The following LRRCC1 variants were observed in gnomAD, a reference collection of about 807,000 sequenced individuals.
LRRCC1 encodes leucine rich repeat and coiled-coil centrosomal protein 1, also known as leucine-rich repeat and coiled-coil domain-containing protein 1.
In LRRCC1, 115 loss-of-function variants were observed where a neutral mutation model predicts 126.0. The observed-to-expected ratio is 0.91, with a 90% CI of 0.78 to 1.07. LRRCC1 has a LOEUF of 1.07. LRRCC1 is among the 50% of genes least tolerant of loss of function. The pLI, the probability that LRRCC1 is intolerant of heterozygous loss-of-function variation, is 0.00. For missense variants in LRRCC1, 1,172 were observed against 1,175.7 expected, an observed-to-expected ratio of 1.00 and a Z score of 0.05; for synonymous variants, 400 against 393.4, an observed-to-expected ratio of 1.02 and a Z score of -0.20.
intron 2 of LRRCC1, 62 bp from the exon 3 acceptor site, chr8:85,110,053 T>G: frequency 1.4e-6 from 1 of 720,712 alleles, no homozygotes; most frequent in Non-Finnish European, 2.3e-6. Flanking sequence ...TAATGCTATA[T>G]CTCTGTAATT....
At chr8:85,132,375 C>CT (rs551423793) in intron 12 of LRRCC1, among the ~76,000 whole-genome samples, 3,694 of 109,622 alleles carry the variant, frequency 0.034, 296 homozygotes, top group African/African-American at 0.06. Flanking sequence ...TGAGTACTTT[C>CT]TTTTTTTTTT....
At chr8:85,143,095 C>T (rs192967978) in intron 18 of LRRCC1, among the ~76,000 whole-genome samples, 4 of 151,964 alleles carry the variant, frequency 2.6e-5, no homozygotes, top group African/African-American at 9.7e-5. Context: ...GAGGCTGAGG[C>T]GGCTGGATCA....
At position 85,135,926 on chromosome 8, in the gene LRRCC1, A is replaced by C. The variant is rs774287261; in HGVS notation, c.2292A>C (p.Thr764=). Residue 764 remains threonine (T), a synonymous_variant, in exon 14 of 19, where the codon ACA becomes ACC. Transcript: ENST00000360375. ...AKESLIFGLR[T]ERKVWGHELA... is the part of the protein sequence containing the mutation. ...AATCACTAATATTTGGTTTAAGGAC[A>C]GAAAGAAAAGTATGGGGACATGAGC... 6 of 1,599,278 alleles carry C rather than the reference A, an allele frequency of 3.8e-6. No homozygotes were observed. The African/African-American group carries it at 5.4e-5, about 14-fold the overall frequency.
chr8:85,141,169 A>T (rs1041819043), intron 17 of LRRCC1, among the ~76,000 whole-genome samples: 1 of 152,216 alleles, frequency 6.6e-6, no homozygotes, highest in African/African-American at 2.4e-5. Flanking sequence ...GTGATATATT[A>T]TCCTAACCTA....
chr8:85,135,381 T>C (rs893782425), intron 13 of LRRCC1, among the ~76,000 whole-genome samples: 2 of 152,324 alleles, frequency 1.3e-5, no homozygotes, highest in African/African-American at 4.8e-5. Flanking sequence ...GTGGTGATGC[T>C]GGTGGTTTTA....
intron 18 of LRRCC1, among the ~76,000 whole-genome samples, chr8:85,145,103 A>G (rs1811575024): frequency 1.1e-5 from 1 of 92,462 alleles, no homozygotes; most frequent in Non-Finnish European, 2.1e-5. Flanking sequence ...ATAAATGCAT[A>G]TAAATATATG....
At position 85,134,923 on chromosome 8, in the gene LRRCC1, A is replaced by T; in HGVS notation, c.2045A>T (p.Glu682Val). ...GCTCTTATTTGGGCTCAACGAAAAG[A>T]AAATGAGTCTTCCTCTTTAATTAAA... ...KHALIWAQRKENESSSLIKDL... is the reference protein window; with the variant it reads ...KHALIWAQRKVNESSSLIKDL... Residue 682 changes from glutamate (E) to valine (V), a missense_variant, in exon 13 of 19, where the codon GAA becomes GTA. Glu to Val is a moderately radical substitution (Grantham distance 121). Transcript: ENST00000360375. 1 of 1,597,302 alleles carries T rather than the reference A, an allele frequency of 6.3e-7. No homozygotes were observed.
chr8:85,123,397 G>T lies in LRRCC1; in HGVS notation c.931-16G>T. The T allele has an allele frequency of 6.5e-7, 1 of 1,547,452 alleles. No homozygotes were observed. The highest frequency in any genetic ancestry group is 8.7e-7 in the Non-Finnish European group (1 of 1,148,596). Reference sequence around the variant, plus strand: ...ACTGAACTTTTAACAAATTTTGTTGGCTTTTTAAATTTTAGACTTCTAATT... The same window carrying T: ...ACTGAACTTTTAACAAATTTTGTTGTCTTTTTAAATTTTAGACTTCTAATT... On this transcript the variant is annotated splice_polypyrimidine_tract_variant and intron_variant, in intron 6 of 18. Coordinates refer to ENST00000360375, the MANE Select transcript of LRRCC1 (RefSeq NM_033402.5).
At chr8:85,108,046 C>T (rs961843500) in intron 1 of LRRCC1, among the ~76,000 whole-genome samples, 1 of 152,202 alleles carries the variant, frequency 6.6e-6, no homozygotes, top group African/African-American at 2.4e-5. Context: ...AGCAGGTCTC[C>T]ACCTGCATTT....
intron 18 of LRRCC1, among the ~76,000 whole-genome samples, chr8:85,142,155 G>A (rs962154541): frequency 1.3e-5 from 2 of 152,052 alleles, no homozygotes; most frequent in South Asian, 2.1e-4. Flanking sequence ...TTAGCTGGGC[G>A]TGGTGGTGAG....
At chr8:85,111,992 C>T (rs1808763268) in intron 3 of LRRCC1, among the ~76,000 whole-genome samples, 1 of 151,908 alleles carries the variant, frequency 6.6e-6, no homozygotes, top group South Asian at 2.1e-4. Flanking sequence ...TCCTGAGTAG[C>T]TGGGACTACA....
At chr8:85,142,021 C>A (rs1280016509) in intron 18 of LRRCC1, among the ~76,000 whole-genome samples, 1 of 152,102 alleles carries the variant, frequency 6.6e-6, no homozygotes, top group East Asian at 1.9e-4. Context: ...TCAGGCCGGG[C>A]GCAGTGGCTC....
In LRRCC1 at chr8:85,109,808, A is replaced by C. The variant is rs768147044; in HGVS notation, c.310+8A>C. Reference sequence around the variant, plus strand: ...TGATTACAAAAGTAGAAGGTTTGTAAGTGATTTTCATTTAACACTTAGCGT... The same window carrying C: ...TGATTACAAAAGTAGAAGGTTTGTACGTGATTTTCATTTAACACTTAGCGT... On this transcript the variant is annotated splice_region_variant and intron_variant, in intron 2 of 18. Transcript: ENST00000360375. 12 of 1,477,696 alleles carry C rather than the reference A, an allele frequency of 8.1e-6. No homozygotes were observed. The highest frequency in any genetic ancestry group is 1.1e-5 in the Non-Finnish European group (12 of 1,076,154). 91.5% of individuals were successfully genotyped at this position (1,477,696 alleles called of 1,614,324 possible).
At chr8:85,134,599 C>T (rs947812443) in intron 12 of LRRCC1, among the ~76,000 whole-genome samples, 6 of 152,320 alleles carry the variant, frequency 3.9e-5, no homozygotes, top group African/African-American at 7.2e-5. Context: ...AGATTACAGG[C>T]ATCAGCCACC....
In LRRCC1 at chr8:85,135,805, T is replaced by A. The variant is rs900657721; in HGVS notation, c.2171T>A (p.Leu724His). ...AATATACAGAATCAAATCAACACCC[T>A]TGAAATTTTAATTGAAGATGACAAG... Reference protein sequence around the residue: ...AANLQNQINTLEILIEDDKQK... With the variant: ...AANLQNQINTHEILIEDDKQK... The change falls in exon 14 of 19, where the codon CTT (leucine) becomes CAT (histidine). Residue 724 changes from leucine (L) to histidine (H), a missense_variant. Leu to His is a moderately conservative substitution (Grantham distance 99). Coordinates refer to ENST00000360375, the MANE Select transcript of LRRCC1 (RefSeq NM_033402.5). 15 of 1,552,552 alleles carry A rather than the reference T, an allele frequency of 9.7e-6. No homozygotes were observed. The highest frequency in any genetic ancestry group is 1.2e-5 in the Non-Finnish European group (14 of 1,149,516).
chr8:85,108,976 C>G (rs1049692498), intron 1 of LRRCC1: 10 of 152,196 alleles, frequency 6.6e-5, no homozygotes, highest in East Asian at 5.8e-4. Flanking sequence ...ATAGGAATTG[C>G]AATAACATGG....
At chr8:85,139,359 G>T (rs541586845) in intron 17 of LRRCC1, among the ~76,000 whole-genome samples, 1 of 152,164 alleles carries the variant, frequency 6.6e-6, no homozygotes, top group African/African-American at 2.4e-5. Context: ...CCACCTCCTG[G>T]GTTCAAGCGA....
intron 9 of LRRCC1, 43 bp from the exon 10 acceptor site, chr8:85,129,132 A>G (rs752719880): frequency 1.5e-6 from 2 of 1,362,540 alleles, no homozygotes; most frequent in Non-Finnish European, 2.0e-6. Flanking sequence ...TATCATTTTT[A>G]TATGTGTAAT....
chr8:85,140,879 G>A lies in LRRCC1; in HGVS notation c.2841-503G>A, dbSNP rs144916383. On this transcript the variant is annotated intron_variant, in intron 17 of 18. Coordinates refer to ENST00000360375, the MANE Select transcript of LRRCC1 (RefSeq NM_033402.5). Reference sequence around the variant, plus strand: ...GGAGTTCAAGACCAGCCTATCCAACGTAGTGAAACCCTGTCTCTACTAAAA... The same window carrying A: ...GGAGTTCAAGACCAGCCTATCCAACATAGTGAAACCCTGTCTCTACTAAAA... Among the ~76,000 whole-genome samples the A allele has an allele frequency of 8.7e-3, 1,324 of 152,116 alleles. 17 individuals are homozygous for A. The highest frequency in any genetic ancestry group is 0.03 in the African/African-American group (1,235 of 41,492).
Sources: allele counts gnomAD v4.1 joint callset (sites outside exome capture counted in the v4.1 genomes callset), GRCh38; gene constraint gnomAD v4.1.1; transcripts MANE v1.5; gene names NCBI Gene and HGNC (gene_info 2026-07-23, HGNC 2026-07-21).